Variants in LMBRD1 observed in about 807,000 individuals in gnomAD.
LMBRD1 encodes lysosomal cobalamin transport escort protein LMBD1.
LMBRD1 carries 64 observed loss-of-function variants against 74.8 expected under a neutral mutation model. That is an observed-to-expected ratio of 0.86 (90% CI 0.70 to 1.05). The LOEUF is 1.05. Ranked by LOEUF, LMBRD1 falls within the 50% of genes least tolerant of loss-of-function variation. LMBRD1 has a pLI of 0.00. For missense variants in LMBRD1, 652 were observed against 645.9 expected (o/e 1.01, Z -0.10); for synonymous variants, 204 against 216.3 (o/e 0.94, Z 0.50).
At chr6:69,793,914 C>T (rs1251902300) in intron 1 of LMBRD1, among the ~76,000 whole-genome samples, 1 of 151,686 alleles carries the variant, frequency 6.6e-6, no homozygotes, top group African/African-American at 2.4e-5. Context: ...AGGAATGGGG[C>T]TTTGCCATGC....
chr6:69,795,376 T>G (rs1341602317), intron 1 of LMBRD1, among the ~76,000 whole-genome samples: 1 of 152,248 alleles, frequency 6.6e-6, no homozygotes, highest in Non-Finnish European at 1.5e-5. Context: ...TAGTCACACT[T>G]TGGCTTTCGG....
intron 13 of LMBRD1, 66 bp downstream of exon 13, chr6:69,698,977 A>C: frequency 1.8e-6 from 2 of 1,118,158 alleles, no homozygotes; most frequent in Non-Finnish European, 2.7e-6. Flanking sequence ...TCACAATTAA[A>C]ATTTCATTTT....
In LMBRD1 at chr6:69,713,760, C is replaced by T. The variant is rs140874824; in HGVS notation, c.800G>A (p.Arg267His). 10 of 1,613,484 alleles carry T rather than the reference C, an allele frequency of 6.2e-6. No individual in the cohort carries two copies. The highest frequency in any genetic ancestry group is 4.4e-5 in the South Asian group (4 of 91,070). ...CCTTTCTTCAAATTGTTTTAAGGCG[C>T]GTTTATCCCTTGCTGGCAAAGGTCG... is the stretch of plus-strand genomic sequence containing the variant. Reference protein sequence around the residue: ...DGRPLPARDKRALKQFEERLR... With the variant: ...DGRPLPARDKHALKQFEERLR... The change falls in exon 9 of 16, where the codon CGC becomes CAC. Residue 267 changes from arginine to histidine, a missense_variant. Physicochemically the swap from Arg to His is conservative, Grantham distance 29. Around this residue, in one of 3 missense-constraint regions of LMBRD1, gnomAD observed 598 missense variants for 581.8 expected, o/e 1.03. Coordinates refer to ENST00000649934, the MANE Select transcript of LMBRD1 (RefSeq NM_018368.4).
At chr6:69,726,686 A>T (rs1224146326) in intron 7 of LMBRD1, among the ~76,000 whole-genome samples, 5 of 151,972 alleles carry the variant, frequency 3.3e-5, no homozygotes, top group South Asian at 4.1e-4. Flanking sequence ...AAAACAATTG[A>T]ACTCGTGGAA....
chr6:69,773,347 C>G (rs1001387745), intron 3 of LMBRD1, among the ~76,000 whole-genome samples: 9 of 152,100 alleles, frequency 5.9e-5, no homozygotes, highest in African/African-American at 1.7e-4. Flanking sequence ...GAACTATGAG[C>G]CAATAAATTT....
In LMBRD1 at chr6:69,713,705, A is replaced by T; in HGVS notation, c.855T>A (p.His285Gln). 1 of 1,613,706 alleles carries T rather than the reference A, an allele frequency of 6.2e-7. No homozygotes were observed. The highest frequency in any genetic ancestry group is 1.1e-5 in the South Asian group (1 of 91,078). Residue 285 changes from histidine to glutamine, a missense_variant, in exon 9 of 16, where the codon CAT (histidine) becomes CAA (glutamine). His to Gln is a conservative substitution (Grantham distance 24). Around this residue, in one of 3 missense-constraint regions of LMBRD1, gnomAD observed 598 missense variants for 581.8 expected, o/e 1.03. Coordinates refer to ENST00000649934, the MANE Select transcript of LMBRD1 (RefSeq NM_018368.4). ...ACCAGCTGTTTTCAATGAATTCTAA[A>T]TGCCTCTCTCTCTTCTTAAGTGTTC... The part of the protein sequence containing the change: ...RLRTLKKRER[H>Q]LEFIENSWWT...
intron 7 of LMBRD1, among the ~76,000 whole-genome samples, chr6:69,732,888 A>C (rs560039040): frequency 6.6e-6 from 1 of 152,294 alleles, no homozygotes; most frequent in Non-Finnish European, 1.5e-5. Flanking sequence ...GTGCCTGTTA[A>C]GTTTTACTTT....
chr6:69,765,587 T>G (rs1168725983), intron 3 of LMBRD1, among the ~76,000 whole-genome samples: 4 of 152,198 alleles, frequency 2.6e-5, no homozygotes, highest in Non-Finnish European at 5.9e-5. Context: ...TTTTGGCTAC[T>G]GTAAATCCTG....
chr6:69,762,290 A>G (rs990159132), intron 3 of LMBRD1, among the ~76,000 whole-genome samples: 11 of 152,066 alleles, frequency 7.2e-5, no homozygotes, highest in Admixed American at 2.0e-4. Flanking sequence ...GAACTGCTGG[A>G]CCATATAGGA....
intron 2 of LMBRD1, 38 bp from the exon 3 acceptor site, chr6:69,780,592 A>ATT (rs1765811220): frequency 6.8e-7 from 1 of 1,465,330 alleles, no homozygotes; most frequent in African/African-American, 1.4e-5. Flanking sequence ...TTAATGAAAC[A>ATT]CCCATTTGCC....
chr6:69,752,187 T>C, intron 4 of LMBRD1, 72 bp downstream of exon 4: 2 of 1,482,134 alleles, frequency 1.3e-6, no homozygotes, highest in South Asian at 1.2e-5. Context: ...AATTCAGTCA[T>C]TCATTCTCTG....
chr6:69,712,702 T>G (rs1766409796), intron 9 of LMBRD1, among the ~76,000 whole-genome samples: 1 of 152,102 alleles, frequency 6.6e-6, no homozygotes, highest in Admixed American at 6.6e-5. Flanking sequence ...GAAATTAGAA[T>G]AGTAGTTACC....
At chr6:69,704,919 T>TTC (rs1554232079) in intron 9 of LMBRD1, among the ~76,000 whole-genome samples, 1 of 150,454 alleles carries the variant, frequency 6.6e-6, no homozygotes, top group Non-Finnish European at 1.5e-5. Context: ...TTTTTTTTTT[T>TTC]CCACTTTTAC....
intron 9 of LMBRD1, among the ~76,000 whole-genome samples, chr6:69,704,542 CT>C (rs35448649): frequency 0.36 from 54,930 of 151,850 alleles, 10,521 homozygotes; most frequent in East Asian, 0.54. Context: ...CCACTATTCT[CT>C]TAAACACTTC....
At chr6:69,691,578 T>TAAAG (rs1765879583) in intron 14 of LMBRD1, among the ~76,000 whole-genome samples, 1 of 152,008 alleles carries the variant, frequency 6.6e-6, no homozygotes, top group Non-Finnish European at 1.5e-5. Context: ...ACTTGTTACC[T>TAAAG]AAAGAAAGAA....
At chr6:69,768,401 C>T (rs1178791517) in intron 3 of LMBRD1, among the ~76,000 whole-genome samples, 1 of 151,536 alleles carries the variant, frequency 6.6e-6, no homozygotes, top group African/African-American at 2.4e-5. Flanking sequence ...TACTACATAC[C>T]TTAATTTATC....
chr6:69,729,334 A>G (rs1467590730), intron 7 of LMBRD1, among the ~76,000 whole-genome samples: 3 of 151,428 alleles, frequency 2.0e-5, no homozygotes, highest in East Asian at 3.9e-4. Flanking sequence ...TAACTCAATT[A>G]TAACGCATAG....
chr6:69,713,621 A>T, intron 9 of LMBRD1, 24 bp downstream of exon 9: 1 of 1,612,546 alleles, frequency 6.2e-7, no homozygotes, highest in Non-Finnish European at 8.5e-7. Flanking sequence ...GAGTGACAGC[A>T]TAATTTTTAA....
intron 12 of LMBRD1, 41 bp from the exon 13 acceptor site, chr6:69,699,233 A>T: frequency 6.5e-7 from 1 of 1,530,378 alleles, no homozygotes; most frequent in Non-Finnish European, 9.0e-7. Flanking sequence ...AATATATTTC[A>T]TTTATAAAGC....
Sources: allele counts gnomAD v4.1 joint callset (sites outside exome capture counted in the v4.1 genomes callset), GRCh38; gene constraint gnomAD v4.1.1; regional missense constraint gnomAD v4.1.1; transcripts MANE v1.5; gene names NCBI Gene and HGNC (gene_info 2026-07-23, HGNC 2026-07-21).